B3GALT1: variants seen among roughly 807,000 people sequenced by gnomAD.
B3GALT1 encodes the protein beta-1,3-galactosyltransferase 1.
B3GALT1 carries 10 observed loss-of-function variants against 23.2 expected under a neutral mutation model. The observed-to-expected ratio is 0.43, with a 90% CI of 0.27 to 0.73. The LOEUF (loss-of-function observed/expected upper bound fraction) is 0.73. Among genes scored for constraint, B3GALT1 ranks in the 30% least tolerant of loss-of-function variants. The probability of loss-of-function intolerance (pLI) is 0.21; values close to 1 mark genes in which losing one functional copy is unlikely to be tolerated. For missense variants in B3GALT1, 299 were observed against 405.4 expected, an observed-to-expected ratio of 0.74 and a Z score of 2.25; for synonymous variants, 156 against 141.5, an observed-to-expected ratio of 1.10 and a Z score of -0.73.
intron 3 of B3GALT1, among the ~76,000 whole-genome samples, chr2:167,803,165 C>A (rs1430040268): frequency 6.6e-6 from 1 of 151,424 alleles, no homozygotes; most frequent in Admixed American, 6.6e-5. Flanking sequence ...CAGAAACTTT[C>A]CATCAAACAG....
At chr2:167,792,403 A>G (rs1574264727) in intron 3 of B3GALT1, among the ~76,000 whole-genome samples, 1 of 152,336 alleles carries the variant, frequency 6.6e-6, no homozygotes, top group South Asian at 2.1e-4. Context: ...ACAAACAAAT[A>G]CCAAGGATAT....
At chr2:167,349,043 G>A (rs550270333) in intron 1 of B3GALT1, among the ~76,000 whole-genome samples, 2 of 152,268 alleles carry the variant, frequency 1.3e-5, no homozygotes, top group South Asian at 2.1e-4. Flanking sequence ...TCAGGATAGT[G>A]TATTGAAATA....
chr2:167,440,357 A>G (rs1408056073), intron 1 of B3GALT1, among the ~76,000 whole-genome samples: 2 of 151,684 alleles, frequency 1.3e-5, no homozygotes, highest in Non-Finnish European at 2.9e-5. Flanking sequence ...AAAAAAAAAA[A>G]AAAAAAAGAA....
At chr2:167,516,097 T>G (rs1700096415) in intron 2 of B3GALT1, among the ~76,000 whole-genome samples, 1 of 151,962 alleles carries the variant, frequency 6.6e-6, no homozygotes. Flanking sequence ...TAGACACGCC[T>G]CCCCCACCAC....
At position 167,334,073 on chromosome 2, in the gene B3GALT1, A is replaced by G. The variant is rs576616493; in HGVS notation, c.-511+40739A>G. ...TTAGAATTTCATTATGTCAGTTACT[A>G]TAATTGAATACAATTTAGAACATGA... is the stretch of plus-strand genomic sequence containing the variant. On this transcript the variant is annotated intron_variant, in intron 1 of 4. Coordinates refer to ENST00000392690, the MANE Select transcript of B3GALT1 (RefSeq NM_020981.4). Among the ~76,000 whole-genome samples, 10 of 152,338 alleles carry G rather than the reference A, an allele frequency of 6.6e-5. No individual in the cohort carries two copies. In the East Asian group the frequency reaches 1.7e-3, roughly 26 times the overall value.
At chr2:167,737,384 A>C (rs2105272303) in intron 3 of B3GALT1, among the ~76,000 whole-genome samples, 1 of 152,382 alleles carries the variant, frequency 6.6e-6, no homozygotes, top group Non-Finnish European at 1.5e-5. Context: ...CATTCATTGA[A>C]GTCATAGCTG....
Position 167,456,459 on chromosome 2 carries a change from C to A in B3GALT1, c.-510-33718C>A, listed in dbSNP as rs148688728. ...ACCACAACAGACCCCCTAACACATA[C>A]CATACATATAAATCAACTGCAAGTC... On this transcript the variant is annotated intron_variant, in intron 1 of 4. Coordinates refer to ENST00000392690, the MANE Select transcript of B3GALT1 (RefSeq NM_020981.4). Among the ~76,000 whole-genome samples the A allele has an allele frequency of 1.1e-4, 17 of 152,232 alleles. No homozygotes were observed. The East Asian group carries it at 3.3e-3, about 29-fold the overall frequency.
intron 4 of B3GALT1, among the ~76,000 whole-genome samples, chr2:167,848,516 A>T (rs962332315): frequency 1.3e-5 from 2 of 152,234 alleles, no homozygotes; most frequent in African/African-American, 4.8e-5. Context: ...CAATAGATGC[A>T]GAAAAAGCAT....
intron 3 of B3GALT1, among the ~76,000 whole-genome samples, chr2:167,782,993 A>G (rs1688273656): frequency 6.6e-6 from 1 of 152,184 alleles, no homozygotes; most frequent in Non-Finnish European, 1.5e-5. Context: ...ATGTATGGGC[A>G]CAGAATCTGG....
chr2:167,840,181 G>T (rs201236358), intron 4 of B3GALT1, among the ~76,000 whole-genome samples: 1 of 151,396 alleles, frequency 6.6e-6, no homozygotes. Context: ...TGACAAATGG[G>T]ATCTAATTAA....
chr2:167,528,219 T>C (rs1683254976), intron 2 of B3GALT1, among the ~76,000 whole-genome samples: 1 of 152,192 alleles, frequency 6.6e-6, no homozygotes, highest in Non-Finnish European at 1.5e-5. Flanking sequence ...TCCTGCTCTT[T>C]GTGCTTCAAG....
In B3GALT1 at chr2:167,535,739, AAAATG is replaced by A. The variant is rs1574124374; in HGVS notation, c.-410+45463_-410+45467del. On this transcript the variant is annotated intron_variant, in intron 2 of 4. Transcript: ENST00000392690. ...GAAAAGTTTTCTTCTGTATTAAAAA[AAAATG>A]TGGTTTTTATCATTTCTATTGAAAA... 3.3e-5 allele frequency among the ~76,000 whole-genome samples: 5 copies of A among 152,340 alleles called. No individual in the cohort carries two copies. In the East Asian group the frequency reaches 9.6e-4, roughly 29 times the overall value.
chr2:167,819,746 G>T (rs575854246), intron 4 of B3GALT1, among the ~76,000 whole-genome samples: 1 of 152,288 alleles, frequency 6.6e-6, no homozygotes, highest in African/African-American at 2.4e-5. Context: ...AATTCCCTGT[G>T]AGCTATTTTT....
chr2:167,378,069 T>C lies in B3GALT1; in HGVS notation c.-511+84735T>C, dbSNP rs970153487. 5.9e-5 allele frequency among the ~76,000 whole-genome samples: 9 copies of C among 152,328 alleles called. No homozygotes were observed. In the East Asian group the frequency reaches 1.5e-3, roughly 26 times the overall value. On this transcript the variant is annotated intron_variant, in intron 1 of 4. Coordinates refer to ENST00000392690, the MANE Select transcript of B3GALT1 (RefSeq NM_020981.4). ...GACTGGAAAAAGATTTTATTTCTCCTTCACTTATGATTCTTAGTTTGGCAG... is the reference window on the plus strand; with the variant it reads ...GACTGGAAAAAGATTTTATTTCTCCCTCACTTATGATTCTTAGTTTGGCAG...
chr2:167,689,545 G>A (rs1331904188), intron 3 of B3GALT1, among the ~76,000 whole-genome samples: 2 of 152,164 alleles, frequency 1.3e-5, no homozygotes, highest in Non-Finnish European at 2.9e-5. Context: ...CTTCAGGCAA[G>A]GGGTGAAGGA....
In B3GALT1 at chr2:167,716,256, C is replaced by T. The variant is rs575753301; in HGVS notation, c.-352+69290C>T. Among the ~76,000 whole-genome samples the T allele has an allele frequency of 3.2e-4, 48 of 152,106 alleles. No individual in the cohort carries two copies. In the South Asian group the frequency reaches 8.1e-3, roughly 26 times the overall value. On this transcript the variant is annotated intron_variant, in intron 3 of 4. Transcript: ENST00000392690. ...CAGGCCTCACAGGCCCGTGCTGCCC[C>T]CCGCACCCTCCCTCGGCCCCCCTGT...
chr2:167,792,804 T>A (rs1364885176), intron 3 of B3GALT1, among the ~76,000 whole-genome samples: 1 of 151,158 alleles, frequency 6.6e-6, no homozygotes, highest in Non-Finnish European at 1.5e-5. Context: ...AGTTAGAAAA[T>A]ATTCTAAAAG....
At chr2:167,686,727 A>G (rs1686622327) in intron 3 of B3GALT1, among the ~76,000 whole-genome samples, 1 of 152,188 alleles carries the variant, frequency 6.6e-6, no homozygotes, top group African/African-American at 2.4e-5. Context: ...ACTTACACGC[A>G]TACACACAGA....
intron 4 of B3GALT1, among the ~76,000 whole-genome samples, chr2:167,835,413 C>A (rs1057404762): frequency 6.7e-6 from 1 of 149,658 alleles, no homozygotes; most frequent in East Asian, 2.0e-4. Context: ...CCTATGCCCA[C>A]GGAGTCTCGC....
Sources: gnomAD v4.1 joint callset for allele counts (sites outside exome capture counted in the v4.1 genomes callset) on GRCh38, gnomAD v4.1.1 for gene constraint, MANE v1.5 for transcripts, NCBI Gene and HGNC (gene_info 2026-07-23, HGNC 2026-07-21) for gene names.